Variants in SAMD5 observed in about 807,000 individuals in gnomAD.
SAMD5 encodes the protein sterile alpha motif domain-containing protein 5.
SAMD5 carries 13 observed loss-of-function variants against 11.3 expected under a neutral mutation model. That is an observed-to-expected ratio of 1.15 (90% CI 0.75 to 1.83). The LOEUF is 1.83. SAMD5 is among the 40% of genes most tolerant of loss of function. SAMD5 has a pLI of 0.00. For missense variants in SAMD5, 255 were observed against 239.1 expected, an observed-to-expected ratio of 1.07 and a Z score of -0.44; for synonymous variants, 129 against 111.3, an observed-to-expected ratio of 1.16 and a Z score of -1.00.
the SAMD5 span, among the ~76,000 whole-genome samples, chr6:147,778,449 C>A: frequency 3.8e-3 from 584 of 152,284 alleles, 1 homozygote; most frequent in Non-Finnish European, 5.4e-3. Context: ...AGATTCCAAG[C>A]CCCTCATCCC....
intron 1 of SAMD5, among the ~76,000 whole-genome samples, chr6:147,677,869 A>C (rs1790887370): frequency 6.6e-6 from 1 of 152,064 alleles, no homozygotes; most frequent in South Asian, 2.1e-4. Flanking sequence ...CTTTTGAATA[A>C]TTGAAACACT....
rs183639869 is a variant in SAMD5, at chr6:147,715,245, C to T, written c.163-22072C>T. ...GCTATTGGCCCAAATCTCATGCCCG[C>T]CAAGAGTGAGCCAGGCGCAGAGCAG... On this transcript the variant is annotated intron_variant, in intron 1 of 1. Coordinates refer to the SAMD5 transcript ENST00000566741. Among the ~76,000 whole-genome samples the T allele has an allele frequency of 8.4e-4, 128 of 152,326 alleles. 4 individuals are homozygous for T. Among genetic ancestry groups the T allele is most frequent in the Admixed American group, 7.8e-3 (119 of 15,306 alleles).
chr6:147,706,240 G>A (rs1050762365), intron 1 of SAMD5, among the ~76,000 whole-genome samples: 2 of 151,538 alleles, frequency 1.3e-5, no homozygotes, highest in East Asian at 1.9e-4. Flanking sequence ...TGTTTTTTTC[G>A]AGACGGAGTC....
the SAMD5 span, among the ~76,000 whole-genome samples, chr6:147,947,013 A>G: frequency 6.6e-6 from 1 of 152,168 alleles, no homozygotes; most frequent in Admixed American, 6.5e-5. Flanking sequence ...GCCAAATCTA[A>G]GTTTGCAAAC....
Position 147,685,859 on chromosome 6 carries a change from A to T in SAMD5, c.163-51458A>T, listed in dbSNP as rs544624966. Reference sequence around the variant, plus strand: ...AATAAAAGACACACAGTGACTAATCAATGACAGACTTTGAAAGAAGCGATG... The same window carrying T: ...AATAAAAGACACACAGTGACTAATCTATGACAGACTTTGAAAGAAGCGATG... On this transcript the variant is annotated intron_variant, in intron 1 of 1. Transcript: ENST00000566741. Among the ~76,000 whole-genome samples the T allele has an allele frequency of 5.9e-5, 9 of 152,302 alleles. No homozygotes were observed. The East Asian group carries it at 1.7e-3, about 29-fold the overall frequency.
chr6:147,697,552 A>G (rs1791193784), intron 1 of SAMD5, among the ~76,000 whole-genome samples: 1 of 152,210 alleles, frequency 6.6e-6, no homozygotes, highest in Non-Finnish European at 1.5e-5. Context: ...TTTATTACTT[A>G]TCACTTGATT....
Position 147,565,789 on chromosome 6 carries a change from G to A in SAMD5, c.*1333G>A. 1 of 985,316 alleles carries A rather than the reference G, an allele frequency of 1.0e-6. No homozygotes were observed. The highest frequency in any genetic ancestry group is 1.2e-6 in the Non-Finnish European group (1 of 829,902). 61.0% of individuals were successfully genotyped at this position (985,316 alleles called of 1,614,324 possible). A position where few individuals can be genotyped will look rare whatever the true frequency, so the allele number is the denominator to read the frequency against. ...TGCTGGTAGTTTTATTTTCTGCTTA[G>A]AAAACGCAACCATGTTGATGGGACC... is the stretch of plus-strand genomic sequence containing the variant. On this transcript the variant is annotated 3_prime_UTR_variant, in exon 2 of 2. Transcript: ENST00000367474.
At chr6:147,633,168 G>A (rs188945290) in intron 1 of SAMD5, among the ~76,000 whole-genome samples, 16 of 152,298 alleles carry the variant, frequency 1.1e-4, no homozygotes, top group African/African-American at 3.6e-4. Context: ...AAGGCGTGAT[G>A]AATTTTGTTC....
At chr6:147,824,770 A>G in the SAMD5 span, among the ~76,000 whole-genome samples, 1 of 152,342 alleles carries the variant, frequency 6.6e-6, no homozygotes, top group East Asian at 1.9e-4. Context: ...CACCTTTAGT[A>G]AACTAAGATT....
intron 1 of SAMD5, among the ~76,000 whole-genome samples, chr6:147,551,192 C>T (rs1403359005): frequency 6.6e-6 from 1 of 152,266 alleles, no homozygotes; most frequent in East Asian, 1.9e-4. Flanking sequence ...ATTGAATTGG[C>T]CAAATTCTCA....
intron 1 of SAMD5, among the ~76,000 whole-genome samples, chr6:147,649,790 C>CA (rs34595414): frequency 0.064 from 6,763 of 106,216 alleles, 219 homozygotes; most frequent in African/African-American, 0.1. Context: ...GACAACGTCT[C>CA]AAAAAAAAAA....
At chr6:147,673,177 TCTCAG>T (rs1445981275) in intron 1 of SAMD5, among the ~76,000 whole-genome samples, 1 of 152,198 alleles carries the variant, frequency 6.6e-6, no homozygotes, top group Non-Finnish European at 1.5e-5. Flanking sequence ...CATTTAAATG[TCTCAG>T]CTCAGATAAA....
At chr6:147,729,444 C>G (rs1791677342) in intron 1 of SAMD5, among the ~76,000 whole-genome samples, 1 of 152,144 alleles carries the variant, frequency 6.6e-6, no homozygotes, top group Non-Finnish European at 1.5e-5. Context: ...CATTGGCTGC[C>G]CACTGTATGC....
At chr6:147,912,957 G>A in the SAMD5 span, among the ~76,000 whole-genome samples, 1 of 151,872 alleles carries the variant, frequency 6.6e-6, no homozygotes, top group Non-Finnish European at 1.5e-5. Context: ...CTCAAGGAGT[G>A]GGAGAGAATA....
At chr6:147,882,309 G>C in the SAMD5 span, among the ~76,000 whole-genome samples, 1 of 152,142 alleles carries the variant, frequency 6.6e-6, no homozygotes, top group Non-Finnish European at 1.5e-5. Context: ...GAAAGATGAA[G>C]TGATTTGCCC....
the SAMD5 span, among the ~76,000 whole-genome samples, chr6:147,896,964 A>C: frequency 6.6e-6 from 1 of 152,166 alleles, no homozygotes; most frequent in East Asian, 1.9e-4. Flanking sequence ...TATCCAGAAG[A>C]AGCAAATCTG....
chr6:147,753,997 G>C, the SAMD5 span, among the ~76,000 whole-genome samples: 2 of 152,128 alleles, frequency 1.3e-5, no homozygotes, highest in African/African-American at 2.4e-5. Context: ...TGTAAACAGT[G>C]CTTCAACAAA....
At chr6:147,532,054 A>G (rs1284269577) in intron 1 of SAMD5, among the ~76,000 whole-genome samples, 1 of 152,194 alleles carries the variant, frequency 6.6e-6, no homozygotes, top group African/African-American at 2.4e-5. Flanking sequence ...CAGAAAACAA[A>G]TGTTTGTCTC....
chr6:147,930,954 C>T, the SAMD5 span, among the ~76,000 whole-genome samples: 3 of 152,166 alleles, frequency 2.0e-5, no homozygotes, highest in African/African-American at 7.2e-5. Context: ...CAGTCTCCTC[C>T]AGAAACACCC....
Sources: gnomAD v4.1 joint callset for allele counts (sites outside exome capture counted in the v4.1 genomes callset) on GRCh38, gnomAD v4.1.1 for gene constraint, MANE v1.5 for transcripts, NCBI Gene and HGNC (gene_info 2026-07-23, HGNC 2026-07-21) for gene names.